INTS15: variants seen among roughly 807,000 people sequenced by gnomAD.
The protein encoded by INTS15 is uncharacterized protein C7orf26.
At chr7:6,607,944 A>ATGCTTGTG in the INTS15 span, 1 of 1,598,314 alleles carries the variant, frequency 6.3e-7, no homozygotes, top group East Asian at 2.2e-5. The surrounding 1 kb of genome is among the most constrained non-coding windows in gnomAD (Gnocchi z 6.0). Context: ...GCTGACGCTT[A>ATGCTTGTG]TGCTTGTGTT....
the INTS15 span, among the ~76,000 whole-genome samples, chr7:6,603,419 C>T: frequency 6.6e-6 from 1 of 150,698 alleles, no homozygotes. Context: ...TGGTGGCATG[C>T]ACCTGTAATC....
At chr7:6,590,388 G>A in the INTS15 span, 8 of 1,606,786 alleles carry the variant, frequency 5.0e-6, no homozygotes, top group Non-Finnish European at 6.8e-6. Flanking sequence ...TGCAGAGCGC[G>A]CCGCTGCCCA....
chr7:6,592,662 G>A, the INTS15 span, among the ~76,000 whole-genome samples: 2 of 149,882 alleles, frequency 1.3e-5, no homozygotes, highest in African/African-American at 4.9e-5. Context: ...AGGGTGGAGT[G>A]CAGTGGTGCA....
the INTS15 span, among the ~76,000 whole-genome samples, chr7:6,595,199 T>G: frequency 6.6e-6 from 1 of 152,074 alleles, no homozygotes; most frequent in Non-Finnish European, 1.5e-5. Flanking sequence ...GCCTGGCTAA[T>G]TTTTGTATTT....
chr7:6,603,024 T>G, the INTS15 span, among the ~76,000 whole-genome samples: 10 of 152,058 alleles, frequency 6.6e-5, no homozygotes, highest in African/African-American at 2.4e-4. Flanking sequence ...CTGAGGCAGG[T>G]GGATCACCTG....
At chr7:6,607,713 C>T in the INTS15 span, 2 of 1,520,230 alleles carry the variant, frequency 1.3e-6, no homozygotes, top group African/African-American at 1.4e-5. The surrounding 1 kb of genome is among the most constrained non-coding windows in gnomAD (Gnocchi z 6.0). Context: ...GCTGCGCGCC[C>T]GGGAGTGCTA....
At chr7:6,608,098 G>GGCCCCCCCCCC in the INTS15 span, 7 of 1,311,192 alleles carry the variant, frequency 5.3e-6, no homozygotes, top group Non-Finnish European at 7.1e-6. Context: ...ACCCCGCCCT[G>GGCCCCCCCCCC]CCCACGCATC....
At chr7:6,591,721 G>C in the INTS15 span, 12 of 1,614,160 alleles carry the variant, frequency 7.4e-6, no homozygotes, top group African/African-American at 1.3e-5. Context: ...CAAGGACTCT[G>C]TTCGGCAGAT....
At chr7:6,592,841 G>A in the INTS15 span, among the ~76,000 whole-genome samples, 1 of 151,946 alleles carries the variant, frequency 6.6e-6, no homozygotes, top group African/African-American at 2.4e-5. Context: ...AACTCCTGAG[G>A]TCAAGCGATC....
At chr7:6,590,298 C>T in the INTS15 span, 1 of 1,573,506 alleles carries the variant, frequency 6.4e-7, no homozygotes, top group African/African-American at 1.4e-5. Flanking sequence ...GCGACATCCG[C>T]CACTCGCTGC....
At chr7:6,603,804 G>T in the INTS15 span, among the ~76,000 whole-genome samples, 1 of 151,830 alleles carries the variant, frequency 6.6e-6, no homozygotes, top group African/African-American at 2.4e-5. Context: ...GCACCATTGC[G>T]TTCCAGCCTG....
chr7:6,599,463 G>C, the INTS15 span, among the ~76,000 whole-genome samples: 5 of 152,344 alleles, frequency 3.3e-5, no homozygotes, highest in Admixed American at 3.3e-4. Flanking sequence ...CGTACTCAGG[G>C]AAGGGGTGAC....
chr7:6,595,934 T>C, the INTS15 span, among the ~76,000 whole-genome samples: 1 of 152,178 alleles, frequency 6.6e-6, no homozygotes, highest in African/African-American at 2.4e-5. Context: ...AAATAGTCTC[T>C]TTCTCTTCCT....
At chr7:6,596,816 T>C in the INTS15 span, among the ~76,000 whole-genome samples, 1 of 152,198 alleles carries the variant, frequency 6.6e-6, no homozygotes, top group Non-Finnish European at 1.5e-5. Flanking sequence ...AGAGTCTCGC[T>C]CTGTCGCCCA....
the INTS15 span, chr7:6,591,648 A>C: frequency 6.2e-7 from 1 of 1,613,684 alleles, no homozygotes; most frequent in Non-Finnish European, 8.5e-7. Context: ...TTTTGCAGAG[A>C]CTGAATTCCC....
At chr7:6,595,763 C>G in the INTS15 span, among the ~76,000 whole-genome samples, 3 of 152,074 alleles carry the variant, frequency 2.0e-5, no homozygotes, top group Non-Finnish European at 4.4e-5. Context: ...GTCACTGTAG[C>G]CTCAAAACTC....
At chr7:6,590,353 C>T in the INTS15 span, 4 of 1,606,186 alleles carry the variant, frequency 2.5e-6, no homozygotes, top group Admixed American at 3.3e-5. Flanking sequence ...GTTGTACCAC[C>T]TGGACATCTA....
At chr7:6,606,813 C>G in the INTS15 span, among the ~76,000 whole-genome samples, 1 of 151,938 alleles carries the variant, frequency 6.6e-6, no homozygotes, top group African/African-American at 2.4e-5. Flanking sequence ...TCAAGCAATC[C>G]TCCTGCCCCA....
the INTS15 span, among the ~76,000 whole-genome samples, chr7:6,599,326 G>T: frequency 0.011 from 1,603 of 152,154 alleles, 27 homozygotes; most frequent in African/African-American, 0.036. Context: ...TTAGATGAGG[G>T]TTCCAAGTTT....
Sources: gnomAD v4.1 joint callset for allele counts (sites outside exome capture counted in the v4.1 genomes callset) on GRCh38, gnomAD v4.1.1 for gene constraint, Gnocchi (gnomAD v3.1) non-coding constraint, MANE v1.5 for transcripts, NCBI Gene and HGNC (gene_info 2026-07-23, HGNC 2026-07-21) for gene names.